The following FBLN1 variants were observed in gnomAD, a reference collection of about 807,000 sequenced individuals.
FBLN1 encodes the protein fibulin-1.
A neutral mutation model predicts 89.7 loss-of-function variants in FBLN1; 34 were observed. The ratio of observed to expected loss-of-function variants is 0.38; its 90% CI spans 0.29 to 0.50. FBLN1 has a LOEUF of 0.50. Among genes scored for constraint, FBLN1 ranks in the 20% least tolerant of loss-of-function variants. The pLI is 0.92. For synonymous variants in FBLN1, 393 were observed against 391.3 expected (o/e 1.00, Z -0.05); for missense variants, 777 against 988.1 (o/e 0.79, Z 2.86).
chr22:45,506,976 C>T (rs553626791), intron 1 of FBLN1, among the ~76,000 whole-genome samples: 7 of 152,328 alleles, frequency 4.6e-5, no homozygotes, highest in South Asian at 4.1e-4. Flanking sequence ...TGAATCCTTT[C>T]GTAGGCCCCA....
chr22:45,542,367 G>A, intron 10 of FBLN1, 84 bp downstream of exon 10: 1 of 1,551,410 alleles, frequency 6.4e-7, no homozygotes, highest in Non-Finnish European at 8.8e-7. Context: ...GAGTGATGTG[G>A]TCTGATCCTC....
intron 2 of FBLN1, among the ~76,000 whole-genome samples, chr22:45,523,720 A>G (rs1182837530): frequency 6.6e-6 from 1 of 152,216 alleles, no homozygotes; most frequent in African/African-American, 2.4e-5. Flanking sequence ...AAAACAAAAC[A>G]AAACAAAAAA....
At chr22:45,573,692 A>AAAAAC (rs1555960592) in intron 14 of FBLN1, among the ~76,000 whole-genome samples, 2 of 149,496 alleles carry the variant, frequency 1.3e-5, no homozygotes, top group Non-Finnish European at 3.0e-5. Context: ...AAAAAAAAAA[A>AAAAAC]AAAAAAAAAC....
chr22:45,564,703 C>T (rs2088886390), intron 14 of FBLN1, among the ~76,000 whole-genome samples: 1 of 152,248 alleles, frequency 6.6e-6, no homozygotes, highest in Non-Finnish European at 1.5e-5. Flanking sequence ...TTCCAGAAGG[C>T]TCTGTGAAGG....
chr22:45,543,408 C>T lies in FBLN1; in HGVS notation c.1203C>T (p.Asn401=), dbSNP rs201140780. The T allele has an allele frequency of 3.6e-5, 58 of 1,612,732 alleles. No individual in the cohort carries two copies. The East Asian group carries it at 7.6e-4, about 21-fold the overall frequency. The change falls in exon 11 of 17, where the codon AAC becomes AAT. Residue 401 remains asparagine, a synonymous_variant. Transcript: ENST00000327858. The part of the protein sequence containing the change: ...DGISRMCVDV[N]ECQRYPGRLC... Reference sequence around the variant, plus strand: ...CCCACCCCTCACTTTCAGATGTCAACGAGTGCCAGCGCTACCCCGGGCGCC... The same window carrying T: ...CCCACCCCTCACTTTCAGATGTCAATGAGTGCCAGCGCTACCCCGGGCGCC...
rs566649377 is a variant in FBLN1 at position 45,519,485 on chromosome 22, G to A, written c.185+698G>A. On this transcript the variant is annotated intron_variant, in intron 2 of 16. Transcript: ENST00000327858. ...AAAATACAAAAAAAATTAGCTGGGC[G>A]TGGTGGCATGCGCCTGTAATCCCAG... 2.8e-4 allele frequency among the ~76,000 whole-genome samples: 42 copies of A among 152,066 alleles called. 1 individual carries two copies. Among genetic ancestry groups the A allele is most frequent in the Non-Finnish European group, 5.0e-4 (34 of 67,974 alleles).
Position 45,581,945 on chromosome 22 carries a change from C to T in FBLN1, c.1972+4837C>T, listed in dbSNP as rs568526683. ...CTGCAGGGCCAGGCCTTGGTGGATG[C>T]TGTCCTGGGGACCACGGGAGCCACG... On this transcript the variant is annotated intron_variant, in intron 16 of 16. Transcript: ENST00000327858. The surrounding 1 kb of genome is among the most constrained non-coding windows in gnomAD (Gnocchi z 7.6). 6.6e-5 allele frequency among the ~76,000 whole-genome samples: 10 copies of T among 152,296 alleles called. No homozygotes were observed. Among genetic ancestry groups the T allele is most frequent in the Admixed American group, 2.6e-4 (4 of 15,310 alleles).
chr22:45,598,508 T>C (rs3788674), intron 16 of FBLN1, among the ~76,000 whole-genome samples: 44,435 of 152,146 alleles, frequency 0.29, 9,462 homozygotes, highest in African/African-American at 0.6. Flanking sequence ...GAGCAGCCTG[T>C]AGCCTTGGCT....
Position 45,537,236 on chromosome 22 carries a change from A to C in FBLN1, c.922+1899A>C, listed in dbSNP as rs987360094. ...TTCGATTTCAACTTTTCCTTAGCGA[A>C]ATCTGTATTGATCATTTATTTGAAA... On this transcript the variant is annotated intron_variant, in intron 8 of 16. Transcript: ENST00000327858. This position sits in a 1 kb window ranked among gnomAD's most constrained non-coding sequence, Gnocchi z 5.7. Among the ~76,000 whole-genome samples, 4 of 152,194 alleles carry C rather than the reference A, an allele frequency of 2.6e-5. No individual in the cohort carries two copies. The South Asian group carries it at 6.2e-4, about 24-fold the overall frequency.
At position 45,531,251 on chromosome 22, in the gene FBLN1, T is replaced by G. The variant is rs1435912601; in HGVS notation, c.485-14T>G. On this transcript the variant is annotated splice_polypyrimidine_tract_variant and intron_variant, in intron 4 of 16. Transcript: ENST00000327858. The surrounding 1 kb of genome is among the most constrained non-coding windows in gnomAD (Gnocchi z 4.9). ...GTTTGGATAAATGTCTGACTTGGTC[T>G]TTTTCCCCCTTAGATAAGATCATTG... 15 of 1,610,656 alleles carry G rather than the reference T, an allele frequency of 9.3e-6. No individual in the cohort carries two copies. Among genetic ancestry groups the G allele is most frequent in the Non-Finnish European group, 1.1e-5 (13 of 1,177,112 alleles).
At position 45,518,661 on chromosome 22, in the gene FBLN1, C is replaced by T. The variant is rs76711905; in HGVS notation, c.80-21C>T. On this transcript the variant is annotated intron_variant, in intron 1 of 16. Transcript: ENST00000327858. The stretch of plus-strand genomic sequence containing the variant: ...CGCTGAGTGGTGAGCCACCTCTCAG[C>T]TTGTTCTCTTCCCTGCACAGTGGAC... The T allele has an allele frequency of 0.071, 112,447 of 1,575,144 alleles. 4,457 individuals carry two copies. The highest frequency in any genetic ancestry group is 0.079 in the Non-Finnish European group (92,025 of 1,158,086).
rs16994320 is a variant in FBLN1, at chr22:45,599,988, C to G, written c.1973-319C>G. On this transcript the variant is annotated intron_variant, in intron 16 of 16. Transcript: ENST00000327858. The stretch of plus-strand genomic sequence containing the variant: ...AGAGCAGAAAACCTGGGCTCAGAAG[C>G]TGGCATTGATCCCAGAGCCATCCAG... Among the ~76,000 whole-genome samples the G allele has an allele frequency of 0.093, 14,178 of 152,274 alleles. 854 individuals carry two copies. Among genetic ancestry groups the G allele is most frequent in the South Asian group, 0.17 (811 of 4,816 alleles).
At chr22:45,509,848 C>CT (rs1478003719) in intron 1 of FBLN1, among the ~76,000 whole-genome samples, 3 of 151,964 alleles carry the variant, frequency 2.0e-5, no homozygotes, top group Non-Finnish European at 4.4e-5. Flanking sequence ...GGAGGCCACT[C>CT]CAACTCTTTG....
rs2146993552 is a variant in FBLN1, at chr22:45,549,721, T to G, written c.1574-771T>G. ...GGCATTTGGCACCTCTTAATGGATG[T>G]CTCCCAGGGTTGGTGACAGCCCCTG... On this transcript the variant is annotated intron_variant, in intron 13 of 16. Coordinates refer to ENST00000327858, the MANE Select transcript of FBLN1 (RefSeq NM_006486.3). The surrounding 1 kb of genome is among the most constrained non-coding windows in gnomAD (Gnocchi z 5.7). Among the ~76,000 whole-genome samples the G allele has an allele frequency of 6.6e-6, 1 of 152,248 alleles. No individual in the cohort carries two copies. The highest frequency in any genetic ancestry group is 6.5e-5 in the Admixed American group (1 of 15,300).
Position 45,531,149 on chromosome 22 carries a change from G to T in FBLN1, c.485-116G>T. On this transcript the variant is annotated intron_variant, in intron 4 of 16. Coordinates refer to ENST00000327858, the MANE Select transcript of FBLN1 (RefSeq NM_006486.3). This position sits in a 1 kb window ranked among gnomAD's most constrained non-coding sequence, Gnocchi z 4.9. ...AGTTAATACTTAGCTGTTTATATAAGATGTTCAAATGGGCATTACTGCCTG... is the reference window on the plus strand; with the variant it reads ...AGTTAATACTTAGCTGTTTATATAATATGTTCAAATGGGCATTACTGCCTG... The T allele has an allele frequency of 1.2e-6, 1 of 838,972 alleles. No homozygotes were observed. 52.0% of individuals were successfully genotyped at this position (838,972 alleles called of 1,614,324 possible). A position where few individuals can be genotyped will look rare whatever the true frequency, so the allele number is the denominator to read the frequency against.
At position 45,577,136 on chromosome 22, in the gene FBLN1, C is replaced by T. The variant is rs1254385371; in HGVS notation, c.1972+28C>T. 13 of 1,612,770 alleles carry T rather than the reference C, an allele frequency of 8.1e-6. No homozygotes were observed. The highest frequency in any genetic ancestry group is 6.7e-5 in the Admixed American group (4 of 60,002). ...GAGTGGCTGGGAATATCAGCTCTAT[C>T]CAGGCACCCCTCCCCCTCCACCCCG... On this transcript the variant is annotated intron_variant, in intron 16 of 16. Transcript: ENST00000327858. This position sits in a 1 kb window ranked among gnomAD's most constrained non-coding sequence, Gnocchi z 6.6.
chr22:45,591,970 G>A (rs6006775), intron 16 of FBLN1, among the ~76,000 whole-genome samples: 24,857 of 117,854 alleles, frequency 0.21, 5,414 homozygotes, highest in African/African-American at 0.56. Flanking sequence ...GAAGTGTCCT[G>A]CGCGCCATTT....
intron 14 of FBLN1, among the ~76,000 whole-genome samples, chr22:45,554,809 G>A (rs1444130101): frequency 6.6e-6 from 1 of 152,210 alleles, no homozygotes; most frequent in African/African-American, 2.4e-5. Context: ...AGAGTATGAT[G>A]GGCCAGGAGT....
At chr22:45,522,991 A>G (rs2146956053) in intron 2 of FBLN1, 2 of 547,288 alleles carry the variant, frequency 3.7e-6, no homozygotes, top group South Asian at 2.9e-5. Flanking sequence ...ATGCAAAGAA[A>G]GTAATAAGTC....
Sources: allele counts gnomAD v4.1 joint callset (sites outside exome capture counted in the v4.1 genomes callset), GRCh38; gene constraint gnomAD v4.1.1; non-coding constraint Gnocchi (gnomAD v3.1); transcripts MANE v1.5; gene names NCBI Gene and HGNC (gene_info 2026-07-23, HGNC 2026-07-21).